Variants in FRAS1 observed in about 807,000 individuals in gnomAD.
The protein encoded by FRAS1 is Fraser extracellular matrix complex subunit 1.
Under a neutral mutation model 435.2 loss-of-function variants are expected in FRAS1, and 290 were observed. That is an observed-to-expected ratio of 0.67 (90% CI 0.61 to 0.73). The LOEUF (loss-of-function observed/expected upper bound fraction) is 0.73. FRAS1 is among the 30% of genes least tolerant of loss of function. FRAS1 has a pLI of 0.00. For synonymous variants in FRAS1, 1,800 were observed against 1,851.0 expected (o/e 0.97, Z 0.71); for missense variants, 4,860 against 5,001.5 (o/e 0.97, Z 0.85).
intron 9 of FRAS1, among the ~76,000 whole-genome samples, chr4:78,274,139 T>C (rs1726869151): frequency 6.6e-6 from 1 of 152,230 alleles, no homozygotes; most frequent in Non-Finnish European, 1.5e-5. Flanking sequence ...TAGTTTGTAT[T>C]TCTGTGGGAT....
At chr4:78,455,422 G>GC (rs1330861969) in intron 47 of FRAS1, among the ~76,000 whole-genome samples, 4 of 151,696 alleles carry the variant, frequency 2.6e-5, no homozygotes, top group African/African-American at 4.8e-5. Flanking sequence ...AGTTGAGGAG[G>GC]GAGGGGGTTC....
intron 59 of FRAS1, among the ~76,000 whole-genome samples, chr4:78,490,260 T>C (rs1720308904): frequency 6.6e-6 from 1 of 152,124 alleles, no homozygotes; most frequent in Non-Finnish European, 1.5e-5. Flanking sequence ...GACAGAAAAT[T>C]AACAAGGTTA....
At chr4:78,222,217 A>T (rs1409545884) in intron 2 of FRAS1, among the ~76,000 whole-genome samples, 1 of 152,210 alleles carries the variant, frequency 6.6e-6, no homozygotes, top group African/African-American at 2.4e-5. Context: ...TTGGAACACC[A>T]CAGTGGGATT....
intron 2 of FRAS1, among the ~76,000 whole-genome samples, chr4:78,193,266 T>G (rs4293812): frequency 3.3e-5 from 5 of 151,988 alleles, no homozygotes; most frequent in Middle Eastern, 3.4e-3. Flanking sequence ...GGGTGGAGAG[T>G]TCTGCAGATG....
intron 6 of FRAS1, among the ~76,000 whole-genome samples, chr4:78,259,070 T>A (rs1162778847): frequency 8.7e-5 from 10 of 114,646 alleles, no homozygotes; most frequent in African/African-American, 9.5e-5. Flanking sequence ...TATTCCATGG[T>A]GTATATGTGC....
At chr4:78,157,375 T>C (rs1720940644) in intron 2 of FRAS1, among the ~76,000 whole-genome samples, 1 of 152,204 alleles carries the variant, frequency 6.6e-6, no homozygotes. Context: ...GGTAGTTTTA[T>C]TTTTAGTTCT....
intron 2 of FRAS1, among the ~76,000 whole-genome samples, chr4:78,226,414 A>T (rs1304542826): frequency 6.6e-6 from 1 of 152,056 alleles, no homozygotes; most frequent in East Asian, 1.9e-4. Flanking sequence ...TTATTAATTT[A>T]AAACATTTTT....
chr4:78,272,493 G>A (rs932954516), intron 9 of FRAS1, among the ~76,000 whole-genome samples: 2 of 152,126 alleles, frequency 1.3e-5, no homozygotes, highest in African/African-American at 4.8e-5. Flanking sequence ...TTTGTATAAG[G>A]TGTAAGGAAG....
chr4:78,466,327 C>A lies in FRAS1; in HGVS notation c.7149C>A (p.Asn2383Lys). 6.2e-7 allele frequency: 1 copy of A among 1,613,880 alleles called. No individual in the cohort carries two copies. Among genetic ancestry groups the A allele is most frequent in the Non-Finnish European group, 8.5e-7 (1 of 1,179,800 alleles). Reference protein sequence around the residue: ...STFTMKDIYQNRVSYSHDGSN... With the variant: ...STFTMKDIYQKRVSYSHDGSN... ...TCACCATGAAAGATATCTACCAGAA[C>A]CGGGTCAGCTACAGCCATGACGGCA... The change falls in exon 50 of 74, where the codon AAC becomes AAA. Residue 2383 changes from asparagine (N) to lysine (K), a missense_variant. Asn to Lys is a moderately conservative substitution (Grantham distance 94). Transcript: ENST00000512123.
intron 61 of FRAS1, among the ~76,000 whole-genome samples, chr4:78,502,270 C>G (rs1018185032): frequency 6.6e-6 from 1 of 152,270 alleles, no homozygotes; most frequent in African/African-American, 2.4e-5. Flanking sequence ...TCATTGGTAG[C>G]TTGATCGGGA....
chr4:78,404,120 GA>G (rs1402703437), intron 30 of FRAS1, among the ~76,000 whole-genome samples: 1 of 152,134 alleles, frequency 6.6e-6, no homozygotes, highest in Non-Finnish European at 1.5e-5. Context: ...ATTTGAAGGA[GA>G]ATCTGATTTA....
At chr4:78,140,785 A>ATACGTGTGTGTATATATG (rs1560546275) in intron 2 of FRAS1, among the ~76,000 whole-genome samples, 2 of 150,632 alleles carry the variant, frequency 1.3e-5, no homozygotes, top group East Asian at 2.0e-4. Context: ...GTGTATATAT[A>ATACGTGTGTGTATATATG]TCTCATGTAT....
At chr4:78,281,837 C>G (rs1727345531) in intron 11 of FRAS1, among the ~76,000 whole-genome samples, 1 of 152,154 alleles carries the variant, frequency 6.6e-6, no homozygotes, top group African/African-American at 2.4e-5. Flanking sequence ...CAAGTTTATT[C>G]TCTCCAGGTT....
chr4:78,481,904 A>G lies in FRAS1; in HGVS notation c.8544A>G (p.Pro2848=), dbSNP rs754790573. 6.2e-7 allele frequency: 1 copy of G among 1,613,854 alleles called. No homozygotes were observed. Among genetic ancestry groups the G allele is most frequent in the South Asian group, 1.1e-5 (1 of 91,070 alleles). The change falls in exon 57 of 74, where the codon CCA becomes CCG. Residue 2848 remains proline, a synonymous_variant. Coordinates refer to ENST00000512123, the MANE Select transcript of FRAS1 (RefSeq NM_025074.7). ...CCTCAGACCCAGCTTCTGCCACACC[A>G]GGAGTTGACTACGTTCCCAGCTCTC... ...TRPSDPASAT[P]GVDYVPSSRK... is the part of the protein sequence containing the mutation.
intron 49 of FRAS1, among the ~76,000 whole-genome samples, chr4:78,464,976 C>T (rs1432118439): frequency 2.6e-5 from 4 of 152,164 alleles, no homozygotes; most frequent in Admixed American, 6.6e-5. Flanking sequence ...CTCCTTCATC[C>T]GGACTTCTCT....
intron 52 of FRAS1, 88 bp downstream of exon 52, chr4:78,472,418 C>T (rs72659019): frequency 0.079 from 96,430 of 1,219,178 alleles, 4,604 homozygotes; most frequent in Non-Finnish European, 0.093. Flanking sequence ...CAGCCACTTC[C>T]AGCTACTTAT....
rs1734048125 is a variant in FRAS1 at position 78,427,650 on chromosome 4, A to G, written c.4712-1445A>G. On this transcript the variant is annotated intron_variant, in intron 35 of 73. Transcript: ENST00000512123. ...AGAGGAGATCAAATGTAAAGAAGCA[A>G]TGACAATAATTTTGACACTTGTCTG... Among the ~76,000 whole-genome samples, 5 of 152,344 alleles carry G rather than the reference A, an allele frequency of 3.3e-5. No homozygotes were observed. The South Asian group carries it at 1.0e-3, about 32-fold the overall frequency.
At chr4:78,210,961 T>C (rs1433850853) in intron 2 of FRAS1, among the ~76,000 whole-genome samples, 2 of 152,194 alleles carry the variant, frequency 1.3e-5, no homozygotes, top group African/African-American at 4.8e-5. Context: ...TTCCCTTCAC[T>C]GAGGTGTGAG....
chr4:78,207,105 A>C (rs1303307018), intron 2 of FRAS1, among the ~76,000 whole-genome samples: 1 of 152,206 alleles, frequency 6.6e-6, no homozygotes, highest in African/African-American at 2.4e-5. Context: ...TGATGTTTAA[A>C]ACCTTCATTG....
Sources: allele counts gnomAD v4.1 joint callset (sites outside exome capture counted in the v4.1 genomes callset), GRCh38; gene constraint gnomAD v4.1.1; transcripts MANE v1.5; gene names NCBI Gene and HGNC (gene_info 2026-07-23, HGNC 2026-07-21).